FBXL12: variants seen among roughly 807,000 people sequenced by gnomAD.
FBXL12 encodes the protein F-box and leucine rich repeat protein 12.
A neutral mutation model predicts 24.9 loss-of-function variants in FBXL12; 22 were observed. The observed-to-expected ratio is 0.88, with a 90% CI of 0.63 to 1.26. The LOEUF (loss-of-function observed/expected upper bound fraction) is 1.26, where lower values mean the gene tolerates loss of function less well. FBXL12 is among the 50% of genes most tolerant of loss of function. FBXL12 has a pLI of 0.00. For synonymous variants in FBXL12, 193 were observed against 193.8 expected (o/e 1.00, Z 0.03); for missense variants, 384 against 434.1 (o/e 0.88, Z 1.03).
In FBXL12 at chr19:9,811,454, G is replaced by A. The variant is rs1275470033; in HGVS notation, c.423C>T (p.Leu141=). 1 of 1,613,840 alleles carries A rather than the reference G, an allele frequency of 6.2e-7. No individual in the cohort carries two copies. The highest frequency in any genetic ancestry group is 8.5e-7 in the Non-Finnish European group (1 of 1,179,974). ...LHSCEISMAW[L]HKQQDPTVLP... ...GCACGGTGGGGTCCTGCTGCTTGTG[G>A]AGCCAGGCCATGGAGATCTCGCAGC... is the stretch of plus-strand genomic sequence containing the variant. The change falls in exon 3 of 3, where the codon CTC becomes CTT. Residue 141 remains leucine (L), a synonymous_variant. Coordinates refer to ENST00000247977, the MANE Select transcript of FBXL12 (RefSeq NM_017703.3). This position sits in a 1 kb window ranked among gnomAD's most constrained non-coding sequence, Gnocchi z 6.0.
In FBXL12 at chr19:9,811,536, A is replaced by T. The variant is rs748808878; in HGVS notation, c.341T>A (p.Leu114Gln). ...LKRLCLHVAD[L>Q]SMVPITSLPS... ...CAGGCTGGTGATGGGCACCATGCTC[A>T]GGTCGGCCACGTGCAGGCAGAGGCG... Residue 114 changes from leucine to glutamine, a missense_variant, in exon 3 of 3, where the codon CTG becomes CAG. Leu to Gln is a moderately radical substitution (Grantham distance 113). Coordinates refer to ENST00000247977, the MANE Select transcript of FBXL12 (RefSeq NM_017703.3). The surrounding 1 kb of genome is among the most constrained non-coding windows in gnomAD (Gnocchi z 6.0). The T allele has an allele frequency of 1.9e-6, 3 of 1,611,122 alleles. No individual in the cohort carries two copies. The South Asian group carries it at 3.3e-5, about 18-fold the overall frequency.
chr19:9,815,918 G>A lies in FBXL12; in HGVS notation c.159+2627C>T, dbSNP rs1023497524. 2.0e-5 allele frequency among the ~76,000 whole-genome samples: 3 copies of A among 152,174 alleles called. No individual in the cohort carries two copies. The South Asian group carries it at 6.2e-4, about 32-fold the overall frequency. On this transcript the variant is annotated intron_variant, in intron 2 of 2. Coordinates refer to ENST00000247977, the MANE Select transcript of FBXL12 (RefSeq NM_017703.3). ...CCTGCCTTGGCCTCCCAAAGTGCTGGGATTATAGGCGTGAGCCACTGTGCC... is the reference window on the plus strand; with the variant it reads ...CCTGCCTTGGCCTCCCAAAGTGCTGAGATTATAGGCGTGAGCCACTGTGCC...
intron 2 of FBXL12, 70 bp downstream of exon 2, chr19:9,818,475 T>G: frequency 6.8e-7 from 1 of 1,472,188 alleles, no homozygotes; most frequent in Non-Finnish European, 9.1e-7. Flanking sequence ...AGTCCCAGGG[T>G]GGGAGAGGTG....
At position 9,811,369 on chromosome 19, in the gene FBXL12, G is replaced by A; in HGVS notation, c.508C>T (p.Gln170Ter). The A allele has an allele frequency of 1.9e-6, 3 of 1,612,102 alleles. No individual in the cohort carries two copies. Residue 170 changes from glutamine (Q) to a stop codon, truncating the protein, a stop_gained, in exon 3 of 3, where the codon CAG (glutamine) becomes TAG (stop). Coordinates refer to ENST00000247977, the MANE Select transcript of FBXL12 (RefSeq NM_017703.3). LOFTEE classifies it high-confidence loss of function. The surrounding 1 kb of genome is among the most constrained non-coding windows in gnomAD (Gnocchi z 6.0). ...RVPAFRDEHLQGLTRFRALRS... is the reference protein window; with the variant it reads ...RVPAFRDEHL Reference sequence around the variant, plus strand: ...AAGGCCCGGAAGCGCGTCAGGCCCTGCAGGTGCTCGTCACGGAAGGCGGGG... The same window carrying A: ...AAGGCCCGGAAGCGCGTCAGGCCCTACAGGTGCTCGTCACGGAAGGCGGGG...
Position 9,818,619 on chromosome 19 carries a change from T to TG in FBXL12, c.87-3dup, listed in dbSNP as rs755076057. ...AGCCTCTTCCAGCGGTGACAGACCC[T>TG]GGGGGAGGGGACGCGCGGTTAGAAC... On this transcript the variant is annotated splice_polypyrimidine_tract_variant and splice_region_variant and intron_variant, in intron 1 of 2. Transcript: ENST00000247977. The TG allele has an allele frequency of 2.3e-5, 36 of 1,553,960 alleles. No individual in the cohort carries two copies. Among genetic ancestry groups the TG allele is most frequent in the Admixed American group, 1.9e-5 (1 of 51,454 alleles).
rs2045723533 is a variant in FBXL12 at position 9,810,784 on chromosome 19, T to C, written c.*112A>G. On this transcript the variant is annotated 3_prime_UTR_variant, in exon 3 of 3. Coordinates refer to ENST00000247977, the MANE Select transcript of FBXL12 (RefSeq NM_017703.3). ...TCCCTAGGCCTCTGTTCTCTCAACC[T>C]GGGGCTTTCAGTTTCCTCAAGTCTG... 3 of 841,102 alleles carry C rather than the reference T, an allele frequency of 3.6e-6. No homozygotes were observed. The Admixed American group carries it at 8.8e-5, about 25-fold the overall frequency. 52.1% of individuals were successfully genotyped at this position (841,102 alleles called of 1,614,324 possible).
At chr19:9,814,762 C>G (rs2045843981) in intron 2 of FBXL12, 1 of 151,844 alleles carries the variant, frequency 6.6e-6, no homozygotes, top group African/African-American at 2.4e-5. Flanking sequence ...CCTGATAAAC[C>G]CATCAGATCT....
chr19:9,813,104 G>T, intron 2 of FBXL12: 1 of 491,548 alleles, frequency 2.0e-6, no homozygotes, highest in Non-Finnish European at 3.1e-6. Context: ...CTGGTAGAGT[G>T]GAAGCTGCAA....
chr19:9,810,829 GTGCTGC>G lies in FBXL12; in HGVS notation c.*61_*66del, dbSNP rs1440331766. On this transcript the variant is annotated 3_prime_UTR_variant, in exon 3 of 3. Transcript: ENST00000247977. ...AGTCTGATTATCTGCCCTCTTCAAGGTGCTGCTCAGAGGGTCTGGGGCTCAATGATG... is the reference window on the plus strand; with the variant it reads ...AGTCTGATTATCTGCCCTCTTCAAGGTCAGAGGGTCTGGGGCTCAATGATG... 3.1e-6 allele frequency: 4 copies of G among 1,308,308 alleles called. No individual in the cohort carries two copies. Among genetic ancestry groups the G allele is most frequent in the Non-Finnish European group, 4.2e-6 (4 of 946,626 alleles). The allele number at this position is 1,308,308 out of a possible 1,614,324, so 81.0% of individuals were successfully genotyped here.
Position 9,810,969 on chromosome 19 carries a change from A to G in FBXL12, c.908T>C (p.Leu303Pro), listed in dbSNP as rs1599419365. ...GWEGQEAEKILCKGLPHCMVI... is the reference protein window; with the variant it reads ...GWEGQEAEKIPCKGLPHCMVI... ...CATACAGTGGGGCAGCCCCTTACAC[A>G]GGATCTTCTCCGCCTCCTGACCCTC... The change falls in exon 3 of 3, where the codon CTG becomes CCG. Residue 303 changes from leucine to proline, a missense_variant. Transcript: ENST00000247977. The G allele has an allele frequency of 6.2e-7, 1 of 1,613,144 alleles. No homozygotes were observed. The highest frequency in any genetic ancestry group is 8.5e-7 in the Non-Finnish European group (1 of 1,179,374).
intron 2 of FBXL12, among the ~76,000 whole-genome samples, chr19:9,817,503 C>A (rs540252435): frequency 6.6e-6 from 1 of 152,132 alleles, no homozygotes; most frequent in Non-Finnish European, 1.5e-5. Context: ...AACTTTTCCT[C>A]GCAAAACCAA....
rs2045942406 is a variant in FBXL12 at position 9,818,844 on chromosome 19, T to C, written c.-31A>G. The C allele has an allele frequency of 6.5e-7, 1 of 1,538,958 alleles. No homozygotes were observed. Among genetic ancestry groups the C allele is most frequent in the East Asian group, 2.5e-5 (1 of 40,692 alleles). ...CGCCGACACGCACTTCCGCTTCCGG[T>C]TAAAGAGACCCGAGGGGTCCTGGGG... On this transcript the variant is annotated 5_prime_UTR_variant, in exon 1 of 3. Transcript: ENST00000247977.
rs759354840 is a variant in FBXL12 at position 9,811,396 on chromosome 19, C to T, written c.481G>A (p.Val161Ile). 8.1e-6 allele frequency: 13 copies of T among 1,613,022 alleles called. No individual in the cohort carries two copies. Among genetic ancestry groups the T allele is most frequent in the South Asian group, 3.3e-5 (3 of 91,088 alleles). The change falls in exon 3 of 3, where the codon GTC (valine) becomes ATC (isoleucine). Residue 161 changes from valine to isoleucine, a missense_variant. Physicochemically the swap from Val to Ile is conservative, Grantham distance 29. Coordinates refer to ENST00000247977, the MANE Select transcript of FBXL12 (RefSeq NM_017703.3). This position sits in a 1 kb window ranked among gnomAD's most constrained non-coding sequence, Gnocchi z 6.0. ...AGGTGCTCGTCACGGAAGGCGGGGA[C>T]GCGGTCCAGCACGATGCATTCAAGC... ...PLLECIVLDR[V>I]PAFRDEHLQG...
chr19:9,818,690 C>T, intron 1 of FBXL12, 38 bp downstream of exon 1: 2 of 1,544,272 alleles, frequency 1.3e-6, no homozygotes, highest in African/African-American at 1.4e-5. Flanking sequence ...CCAGCTGCGC[C>T]CTCCGCCCTG....
Position 9,811,621 on chromosome 19 carries a change from C to T in FBXL12, c.256G>A (p.Ala86Thr). ...AACAGAGCAGGGGACAACTGGGGGG[C>T]CTGGGAGCCAGAGAACAGGTAGCCA... ...MGGYLFSGSQ[A>T]PQLSPALLRA... The change falls in exon 3 of 3, where the codon GCC becomes ACC. Residue 86 changes from alanine (A) to threonine (T), a missense_variant. Physicochemically the swap from Ala to Thr is moderately conservative, Grantham distance 58. Coordinates refer to ENST00000247977, the MANE Select transcript of FBXL12 (RefSeq NM_017703.3). The surrounding 1 kb of genome is among the most constrained non-coding windows in gnomAD (Gnocchi z 6.0). The T allele has an allele frequency of 1.3e-6, 2 of 1,534,850 alleles. No individual in the cohort carries two copies. Among genetic ancestry groups the T allele is most frequent in the Non-Finnish European group, 1.8e-6 (2 of 1,139,974 alleles).
At chr19:9,812,530 CAAAAAAAA>C (rs374538314) in intron 2 of FBXL12, among the ~76,000 whole-genome samples, 7 of 32,566 alleles carry the variant, frequency 2.1e-4, no homozygotes, top group East Asian at 2.4e-3. Flanking sequence ...GACTCTGTCT[CAAAAAAAA>C]AAAAAAAAAA....
chr19:9,817,939 T>A (rs1240939880), intron 2 of FBXL12, among the ~76,000 whole-genome samples: 1 of 152,214 alleles, frequency 6.6e-6, no homozygotes, highest in Non-Finnish European at 1.5e-5. Flanking sequence ...TTGAGCCAGT[T>A]GCTGTGGCTC....
intron 2 of FBXL12, among the ~76,000 whole-genome samples, chr19:9,817,841 G>A (rs780100327): frequency 1.3e-5 from 2 of 152,160 alleles, no homozygotes; most frequent in African/African-American, 2.4e-5. Flanking sequence ...ATGAAGTAAC[G>A]TAAAAGGAAG....
intron 2 of FBXL12, chr19:9,818,031 T>C (rs372990149): frequency 7.4e-4 from 193 of 260,464 alleles, no homozygotes; most frequent in Non-Finnish European, 1.1e-3. Context: ...CTGGGCAGCA[T>C]AGTGAGACTC....
Sources: gnomAD v4.1 joint callset for allele counts (sites outside exome capture counted in the v4.1 genomes callset) on GRCh38, gnomAD v4.1.1 for gene constraint, Gnocchi (gnomAD v3.1) non-coding constraint, MANE v1.5 for transcripts, NCBI Gene and HGNC (gene_info 2026-07-23, HGNC 2026-07-21) for gene names.